STARD13: variants seen among roughly 807,000 people sequenced by gnomAD.
The protein encoded by STARD13 is StAR related lipid transfer domain containing 13, also known as stAR-related lipid transfer protein 13.
STARD13 carries 62 observed loss-of-function variants against 106.4 expected under a neutral mutation model. That is an observed-to-expected ratio of 0.58 (90% CI 0.48 to 0.72). The LOEUF is 0.72. Among genes scored for constraint, STARD13 ranks in the 30% least tolerant of loss-of-function variants. The pLI is 0.00. For synonymous variants in STARD13, 565 were observed against 553.0 expected (o/e 1.02, Z -0.31); for missense variants, 1,387 against 1,424.0 (o/e 0.97, Z 0.42).
chr13:33,505,954 T>G, the STARD13 span, among the ~76,000 whole-genome samples: 43 of 152,254 alleles, frequency 2.8e-4, no homozygotes, highest in South Asian at 7.5e-3. Flanking sequence ...TTTTTCACCA[T>G]GTTGAAATAT....
rs180775898 is a variant in STARD13, at chr13:33,283,283, G to C, written c.169+2187C>G. ...ACTCAATCATAGGTTCAGTACTTTA[G>C]CACTCATTATAAAAACTAAAAAATA... On this transcript the variant is annotated intron_variant, in intron 1 of 13. Coordinates refer to ENST00000336934, the MANE Select transcript of STARD13 (RefSeq NM_178006.4). Among the ~76,000 whole-genome samples, 218 of 152,200 alleles carry C rather than the reference G, an allele frequency of 1.4e-3. No homozygotes were observed. The Middle Eastern group carries it at 0.02, about 14-fold the overall frequency.
the STARD13 span, among the ~76,000 whole-genome samples, chr13:33,385,635 G>A: frequency 6.6e-3 from 1,004 of 151,644 alleles, 19 homozygotes; most frequent in East Asian, 0.067. Flanking sequence ...CGAGGAGGGC[G>A]GATCACCTGA....
the STARD13 span, among the ~76,000 whole-genome samples, chr13:33,602,491 A>T: frequency 1.3e-5 from 2 of 152,332 alleles, no homozygotes; most frequent in South Asian, 4.1e-4. Context: ...CATAGATATG[A>T]TCTGATTTTG....
the STARD13 span, among the ~76,000 whole-genome samples, chr13:33,444,008 C>T: frequency 6.6e-6 from 1 of 151,918 alleles, no homozygotes; most frequent in African/African-American, 2.4e-5. Flanking sequence ...CCTAATAATC[C>T]TGAGATTATA....
chr13:33,296,330 T>C (rs1036788647), intron 1 of STARD13, among the ~76,000 whole-genome samples: 3 of 152,178 alleles, frequency 2.0e-5, no homozygotes, highest in African/African-American at 7.2e-5. Flanking sequence ...AATGTATCTC[T>C]ATCTCAAATC....
the STARD13 span, among the ~76,000 whole-genome samples, chr13:33,608,336 A>C: frequency 6.6e-6 from 1 of 152,196 alleles, no homozygotes; most frequent in East Asian, 1.9e-4. Context: ...ATATAATTGC[A>C]CTCATAGTCT....
chr13:33,469,692 C>T, the STARD13 span, among the ~76,000 whole-genome samples: 1 of 151,842 alleles, frequency 6.6e-6, no homozygotes, highest in African/African-American at 2.4e-5. Flanking sequence ...TGAGAGTAGA[C>T]ATTATTATCC....
chr13:33,405,339 G>A, the STARD13 span, among the ~76,000 whole-genome samples: 1 of 152,230 alleles, frequency 6.6e-6, no homozygotes, highest in Non-Finnish European at 1.5e-5. Flanking sequence ...GGTTCTGCTG[G>A]GTGGGGCTGA....
At chr13:33,577,029 G>T in the STARD13 span, among the ~76,000 whole-genome samples, 2 of 152,196 alleles carry the variant, frequency 1.3e-5, no homozygotes, top group Non-Finnish European at 2.9e-5. Flanking sequence ...ATTTATTTAG[G>T]ATTTCACGTT....
At chr13:33,334,312 C>T (rs1487708260) in intron 1 of STARD13, among the ~76,000 whole-genome samples, 4 of 152,132 alleles carry the variant, frequency 2.6e-5, no homozygotes, top group Non-Finnish European at 5.9e-5. Flanking sequence ...CAAAAGAAAT[C>T]TTGCTGGTGA....
At chr13:33,496,092 A>G in the STARD13 span, among the ~76,000 whole-genome samples, 1 of 142,240 alleles carries the variant, frequency 7.0e-6, no homozygotes, top group Non-Finnish European at 1.5e-5. Flanking sequence ...AATTATATTA[A>G]CTAAATAATT....
At chr13:33,511,518 G>A in the STARD13 span, 1 of 152,082 alleles carries the variant, frequency 6.6e-6, no homozygotes, top group South Asian at 2.1e-4. Flanking sequence ...GATGATGAGA[G>A]CCAACCATTT....
the STARD13 span, among the ~76,000 whole-genome samples, chr13:33,458,642 AT>A: frequency 6.6e-6 from 1 of 152,038 alleles, no homozygotes; most frequent in Non-Finnish European, 1.5e-5. Context: ...CTTTATGTAA[AT>A]TAGAATCCAG....
the STARD13 span, among the ~76,000 whole-genome samples, chr13:33,489,349 C>G: frequency 6.6e-6 from 1 of 152,056 alleles, no homozygotes; most frequent in Non-Finnish European, 1.5e-5. Flanking sequence ...ATAGTAAAGC[C>G]TTTTGTGTTA....
the STARD13 span, among the ~76,000 whole-genome samples, chr13:33,495,500 T>C: frequency 6.6e-6 from 1 of 152,180 alleles, no homozygotes; most frequent in Non-Finnish European, 1.5e-5. Context: ...GCTTGAACAC[T>C]TTCTTCATGT....
In STARD13 at chr13:33,132,131, AC is replaced by A. The variant is rs550139266; in HGVS notation, c.388-1843del. The stretch of plus-strand genomic sequence containing the variant: ...AGGTTTGACTAAATGACAAACTTGA[AC>A]ATTCAAGTTTAAAGTGAAAGCGAGT... On this transcript the variant is annotated intron_variant, in intron 4 of 13. Coordinates refer to ENST00000336934, the MANE Select transcript of STARD13 (RefSeq NM_178006.4). Among the ~76,000 whole-genome samples the A allele has an allele frequency of 1.6e-3, 244 of 152,352 alleles. 3 individuals carry two copies. Among genetic ancestry groups the A allele is most frequent in the Non-Finnish European group, 1.2e-3 (81 of 68,036 alleles).
chr13:33,360,726 A>AATCCTTCTGTGTAGACAGAAGGATT, the STARD13 span, among the ~76,000 whole-genome samples: 4 of 134,638 alleles, frequency 3.0e-5, no homozygotes, highest in Non-Finnish European at 3.3e-5. Flanking sequence ...AGACAGAAGG[A>AATCCTTCTGTGTAGACAGAAGGATT]CATATTGTTG....
At chr13:33,263,396 C>T (rs1290940452) in intron 1 of STARD13, among the ~76,000 whole-genome samples, 1 of 152,162 alleles carries the variant, frequency 6.6e-6, no homozygotes, top group African/African-American at 2.4e-5. Flanking sequence ...AACTTTAATT[C>T]TACCTCCCAA....
the STARD13 span, among the ~76,000 whole-genome samples, chr13:33,449,460 A>G: frequency 2.0e-5 from 3 of 152,122 alleles, no homozygotes; most frequent in Non-Finnish European, 2.9e-5. Flanking sequence ...CCATCAGTCT[A>G]TGTGTCTGTT....
Sources: allele counts gnomAD v4.1 joint callset (sites outside exome capture counted in the v4.1 genomes callset), GRCh38; gene constraint gnomAD v4.1.1; transcripts MANE v1.5; gene names NCBI Gene and HGNC (gene_info 2026-07-23, HGNC 2026-07-21).